Variants in AGBL4 observed in about 807,000 individuals in gnomAD.
The protein encoded by AGBL4 is AGBL carboxypeptidase 4.
AGBL4 carries 58 observed loss-of-function variants against 66.4 expected under a neutral mutation model. The observed-to-expected ratio is 0.87, with a 90% CI of 0.71 to 1.09. The LOEUF (loss-of-function observed/expected upper bound fraction) is 1.09, where lower values mean the gene tolerates loss of function less well. Among genes scored for constraint, AGBL4 ranks in the 50% least tolerant of loss-of-function variants. AGBL4 has a pLI of 0.00. For missense variants in AGBL4, 579 were observed against 631.0 expected (o/e 0.92, Z 0.88); for synonymous variants, 234 against 222.9 (o/e 1.05, Z -0.44).
intron 5 of AGBL4, among the ~76,000 whole-genome samples, chr1:48,930,140 C>A (rs529884072): frequency 6.6e-6 from 1 of 152,186 alleles, no homozygotes; most frequent in South Asian, 2.1e-4. Flanking sequence ...TGTACTTGGG[C>A]CCAAATACGA....
chr1:49,238,816 C>A (rs1650991278), intron 4 of AGBL4, among the ~76,000 whole-genome samples: 1 of 152,102 alleles, frequency 6.6e-6, no homozygotes, highest in African/African-American at 2.4e-5. Flanking sequence ...TTTGTCTGTA[C>A]CTGTGGCATT....
Position 49,048,633 on chromosome 1 carries a change from A to G in AGBL4, c.378-2833T>C, listed in dbSNP as rs534592866. Reference sequence around the variant, plus strand: ...AGGGGGCTGAAACTAGGGAGGAAAAAACGTCTCCTTCATTTGGGATGTACT... The same window carrying G: ...AGGGGGCTGAAACTAGGGAGGAAAAGACGTCTCCTTCATTTGGGATGTACT... On this transcript the variant is annotated intron_variant, in intron 4 of 13. Transcript: ENST00000371839. 6.6e-5 allele frequency among the ~76,000 whole-genome samples: 10 copies of G among 152,124 alleles called. No homozygotes were observed. The South Asian group carries it at 1.7e-3, about 25-fold the overall frequency.
chr1:49,619,576 A>G (rs2124289686), intron 3 of AGBL4, among the ~76,000 whole-genome samples: 1 of 152,328 alleles, frequency 6.6e-6, no homozygotes, highest in East Asian at 1.9e-4. Context: ...TGCTATCTCC[A>G]TCAAGCTACC....
intron 1 of AGBL4, among the ~76,000 whole-genome samples, chr1:49,934,349 C>T (rs916197797): frequency 1.4e-4 from 21 of 152,030 alleles, no homozygotes; most frequent in African/African-American, 1.9e-4. Flanking sequence ...TAAATTCTAC[C>T]GAAGCACACA....
rs183131916 is a variant in AGBL4 at position 49,872,227 on chromosome 1, T to G, written c.35-20709A>C. Among the ~76,000 whole-genome samples the G allele has an allele frequency of 6.6e-4, 101 of 152,198 alleles. 1 individual carries two copies. Among genetic ancestry groups the G allele is most frequent in the Admixed American group, 1.6e-3 (24 of 15,268 alleles). Reference sequence around the variant, plus strand: ...TCATGAGCAAAATTTAAAAGATGATTCCTTTCTCTCGATCTAATTTCTCCA... The same window carrying G: ...TCATGAGCAAAATTTAAAAGATGATGCCTTTCTCTCGATCTAATTTCTCCA... On this transcript the variant is annotated intron_variant, in intron 1 of 13. Coordinates refer to ENST00000371839, the MANE Select transcript of AGBL4 (RefSeq NM_032785.4).
chr1:49,571,813 C>T (rs1644337331), intron 3 of AGBL4, among the ~76,000 whole-genome samples: 1 of 152,058 alleles, frequency 6.6e-6, no homozygotes, highest in Non-Finnish European at 1.5e-5. Context: ...TTTTCTGTTT[C>T]TATTGAGATG....
chr1:48,710,544 G>A (rs74076453), intron 6 of AGBL4, among the ~76,000 whole-genome samples: 5,891 of 152,196 alleles, frequency 0.039, 340 homozygotes, highest in African/African-American at 0.12. Flanking sequence ...TGAGCTAAGA[G>A]GCCAGGCTTT....
At chr1:49,251,787 G>A (rs1652089776) in intron 3 of AGBL4, among the ~76,000 whole-genome samples, 1 of 152,302 alleles carries the variant, frequency 6.6e-6, no homozygotes, top group South Asian at 2.1e-4. Context: ...CCCAGAGTTA[G>A]AGCACACAGT....
At chr1:49,574,544 A>T (rs963931333) in intron 3 of AGBL4, among the ~76,000 whole-genome samples, 1 of 152,124 alleles carries the variant, frequency 6.6e-6, no homozygotes, top group Non-Finnish European at 1.5e-5. Context: ...TACCCTTGAC[A>T]AATGCCTTGT....
chr1:49,809,045 T>A (rs942489304), intron 2 of AGBL4, among the ~76,000 whole-genome samples: 1 of 152,210 alleles, frequency 6.6e-6, no homozygotes, highest in African/African-American at 2.4e-5. Flanking sequence ...AATCAATCAG[T>A]GTAAATATGG....
chr1:48,770,246 C>A (rs1171465617), intron 6 of AGBL4, among the ~76,000 whole-genome samples: 2 of 152,120 alleles, frequency 1.3e-5, no homozygotes, highest in African/African-American at 4.8e-5. Flanking sequence ...TCTTTTCCTG[C>A]TTATGTATTT....
At chr1:49,833,091 T>A (rs1245525722) in intron 2 of AGBL4, among the ~76,000 whole-genome samples, 1 of 152,132 alleles carries the variant, frequency 6.6e-6, no homozygotes, top group Non-Finnish European at 1.5e-5. Flanking sequence ...TGAATGGTAA[T>A]GCCTAGGTTT....
chr1:48,826,041 G>C (rs1017471189), intron 6 of AGBL4, among the ~76,000 whole-genome samples: 1 of 152,186 alleles, frequency 6.6e-6, no homozygotes, highest in African/African-American at 2.4e-5. Context: ...AAGTGACAGG[G>C]ACTTTCTCTT....
At chr1:49,607,029 C>T (rs1645074194) in intron 3 of AGBL4, among the ~76,000 whole-genome samples, 1 of 152,122 alleles carries the variant, frequency 6.6e-6, no homozygotes, top group Non-Finnish European at 1.5e-5. Context: ...CTCCTCCTAT[C>T]CATACTTCAA....
chr1:49,776,554 T>C (rs1644203320), intron 2 of AGBL4, among the ~76,000 whole-genome samples: 2 of 152,134 alleles, frequency 1.3e-5, no homozygotes, highest in African/African-American at 4.8e-5. Flanking sequence ...AACCTCAAAA[T>C]CAGCAGGTTC....
intron 3 of AGBL4, among the ~76,000 whole-genome samples, chr1:49,543,392 G>A (rs928758189): frequency 1.3e-5 from 2 of 151,952 alleles, no homozygotes; most frequent in African/African-American, 4.8e-5. Context: ...CTTTGTTGTA[G>A]GTAAAAGAAA....
intron 5 of AGBL4, among the ~76,000 whole-genome samples, chr1:48,948,942 T>A (rs1656740769): frequency 1.3e-5 from 2 of 152,124 alleles, no homozygotes; most frequent in African/African-American, 4.8e-5. Flanking sequence ...CAGAAACATG[T>A]ATTGTGCACT....
At chr1:49,661,235 G>C (rs1646263233) in intron 3 of AGBL4, among the ~76,000 whole-genome samples, 1 of 152,024 alleles carries the variant, frequency 6.6e-6, no homozygotes, top group Non-Finnish European at 1.5e-5. Flanking sequence ...AAACCCCAGA[G>C]AGATACCACT....
At chr1:49,972,696 TAA>T (rs1256925442) in intron 1 of AGBL4, among the ~76,000 whole-genome samples, 2 of 152,204 alleles carry the variant, frequency 1.3e-5, no homozygotes, top group Non-Finnish European at 2.9e-5. Flanking sequence ...TTTATTGTTA[TAA>T]GTGTTCTATC....
Sources: allele counts gnomAD v4.1 joint callset (sites outside exome capture counted in the v4.1 genomes callset), GRCh38; gene constraint gnomAD v4.1.1; transcripts MANE v1.5; gene names NCBI Gene and HGNC (gene_info 2026-07-23, HGNC 2026-07-21).